The following DPY19L3 variants were observed in gnomAD, a reference collection of about 807,000 sequenced individuals.
DPY19L3 encodes the protein dpy-19 like C-mannosyltransferase 3, also known as protein C-mannosyl-transferase DPY19L3.
Under a neutral mutation model 92.3 loss-of-function variants are expected in DPY19L3, and 51 were observed. The observed-to-expected ratio is 0.55, with a 90% CI of 0.44 to 0.70. DPY19L3 has a LOEUF of 0.70. Among genes scored for constraint, DPY19L3 ranks in the 30% least tolerant of loss-of-function variants. DPY19L3 has a pLI of 0.00. For missense variants in DPY19L3, 706 were observed against 855.9 expected, an observed-to-expected ratio of 0.82 and a Z score of 2.18; for synonymous variants, 309 against 315.2, an observed-to-expected ratio of 0.98 and a Z score of 0.21.
intron 8 of DPY19L3, among the ~76,000 whole-genome samples, chr19:32,443,518 A>G (rs1969388312): frequency 6.6e-6 from 1 of 152,190 alleles, no homozygotes; most frequent in African/African-American, 2.4e-5. Flanking sequence ...ACAGCAAGAA[A>G]GTGCCATCAG....
At position 32,408,507 on chromosome 19, in the gene DPY19L3, AT is replaced by A; in HGVS notation, c.103+155del. The A allele has an allele frequency of 4.8e-6, 3 of 621,808 alleles. No individual in the cohort carries two copies. In the Admixed American group the frequency reaches 9.1e-5, roughly 19 times the overall value. The allele number at this position is 621,808 out of a possible 1,614,324, so 38.5% of individuals were successfully genotyped here. On this transcript the variant is annotated intron_variant, in intron 2 of 18. Transcript: ENST00000392250. ...TTCTAATTGCAATTTGATTAGATTG[AT>A]TTTACAGTTATGATTTGACAAAAGA...
intron 8 of DPY19L3, among the ~76,000 whole-genome samples, chr19:32,440,554 C>G (rs780257207): frequency 6.6e-6 from 1 of 152,046 alleles, no homozygotes; most frequent in Non-Finnish European, 1.5e-5. Flanking sequence ...CAGCATAGCC[C>G]AAGGATTTGT....
chr19:32,448,968 G>T (rs1181480169), intron 8 of DPY19L3, among the ~76,000 whole-genome samples: 3 of 152,020 alleles, frequency 2.0e-5, no homozygotes, highest in African/African-American at 7.2e-5. Context: ...TACACAAACT[G>T]CCCCTTTTTC....
chr19:32,443,362 G>A (rs1969383167), intron 8 of DPY19L3, among the ~76,000 whole-genome samples: 1 of 152,096 alleles, frequency 6.6e-6, no homozygotes, highest in Admixed American at 6.5e-5. Context: ...ATGTTTTTGT[G>A]GTCCCCCACC....
At chr19:32,434,942 T>C (rs933289115) in intron 4 of DPY19L3, among the ~76,000 whole-genome samples, 1 of 152,198 alleles carries the variant, frequency 6.6e-6, no homozygotes, top group African/African-American at 2.4e-5. Flanking sequence ...TGGAGAGTTA[T>C]CCATCCATAA....
At chr19:32,447,775 A>AGATAGATAGATTGATT (rs1237623603) in intron 8 of DPY19L3, among the ~76,000 whole-genome samples, 3 of 127,002 alleles carry the variant, frequency 2.4e-5, no homozygotes, top group African/African-American at 9.4e-5. Context: ...ATAGATAGAT[A>AGATAGATAGATTGATT]GATTAGATAA....
At chr19:32,407,266 C>CA (rs1555714132) in intron 1 of DPY19L3, among the ~76,000 whole-genome samples, 3 of 117,690 alleles carry the variant, frequency 2.5e-5, no homozygotes, top group Non-Finnish European at 5.5e-5. Context: ...GCTCCTGCTC[C>CA]CCCCCACCCA....
intron 18 of DPY19L3, 178 bp from the exon 19 acceptor site, chr19:32,481,901 A>G (rs1970683701): frequency 1.5e-6 from 1 of 664,566 alleles, no homozygotes; most frequent in Non-Finnish European, 2.5e-6. Context: ...CTTGGTCTGC[A>G]CTTCTGAAGG....
chr19:32,448,532 G>C (rs1361451618), intron 8 of DPY19L3, among the ~76,000 whole-genome samples: 1 of 152,128 alleles, frequency 6.6e-6, no homozygotes, highest in Non-Finnish European at 1.5e-5. Context: ...TGTATGTGAT[G>C]CATTATATAC....
At chr19:32,452,470 A>G (rs966225863) in intron 8 of DPY19L3, among the ~76,000 whole-genome samples, 7 of 152,240 alleles carry the variant, frequency 4.6e-5, no homozygotes, top group Non-Finnish European at 1.0e-4. Context: ...GAAATAACAC[A>G]GTAAAGTACT....
At chr19:32,443,451 C>T (rs565047645) in intron 8 of DPY19L3, among the ~76,000 whole-genome samples, 1 of 152,248 alleles carries the variant, frequency 6.6e-6, no homozygotes, top group South Asian at 2.1e-4. Flanking sequence ...GTGATTAGTG[C>T]CATTATAAAA....
chr19:32,441,376 G>T (rs1969316888), intron 8 of DPY19L3, among the ~76,000 whole-genome samples: 1 of 152,058 alleles, frequency 6.6e-6, no homozygotes. Context: ...GAGAAAATGA[G>T]TAAAGGTTCT....
In DPY19L3 at chr19:32,459,372, A is replaced by G. The variant is rs138523113; in HGVS notation, c.1322+863A>G. Among the ~76,000 whole-genome samples the G allele has an allele frequency of 3.6e-3, 552 of 152,318 alleles. 4 individuals are homozygous for G. The highest frequency in any genetic ancestry group is 0.02 in the Middle Eastern group (6 of 294). On this transcript the variant is annotated intron_variant, in intron 12 of 18. Coordinates refer to ENST00000392250, the MANE Select transcript of DPY19L3 (RefSeq NM_001172774.2). ...CCCTTTTTCTGTAGTTACCTTGCCA[A>G]TTAATGTGCTGGTGAACTGTGATTC...
At chr19:32,459,958 TAG>T (rs1250502851) in intron 12 of DPY19L3, among the ~76,000 whole-genome samples, 3 of 152,180 alleles carry the variant, frequency 2.0e-5, no homozygotes, top group African/African-American at 7.2e-5. Context: ...CAAACATAGA[TAG>T]TATGGCCTAC....
intron 3 of DPY19L3, among the ~76,000 whole-genome samples, chr19:32,417,241 G>A (rs998672949): frequency 3.3e-5 from 5 of 152,244 alleles, no homozygotes; most frequent in African/African-American, 7.2e-5. Context: ...GAGGGACCCA[G>A]TGGGAGGTAA....
intron 12 of DPY19L3, among the ~76,000 whole-genome samples, chr19:32,462,003 T>C (rs932383378): frequency 6.6e-6 from 1 of 152,184 alleles, no homozygotes; most frequent in African/African-American, 2.4e-5. Flanking sequence ...TCACACCCTT[T>C]CTATACTATG....
chr19:32,460,492 T>G (rs982285709), intron 12 of DPY19L3, among the ~76,000 whole-genome samples: 28 of 152,340 alleles, frequency 1.8e-4, no homozygotes, highest in African/African-American at 6.5e-4. Flanking sequence ...CTTGCAGGAC[T>G]GGAAGTTTTT....
rs750595112 is a variant in DPY19L3 at position 32,432,820 on chromosome 19, A to G, written c.328+14A>G. ...CCCTCGTGCAAGGTAATTACAACTG[A>G]TAGTTTCATTTGGGGTCTCCTGCAT... On this transcript the variant is annotated intron_variant, in intron 4 of 18. Transcript: ENST00000392250. 1.2e-6 allele frequency: 2 copies of G among 1,611,936 alleles called. No individual in the cohort carries two copies. Among genetic ancestry groups the G allele is most frequent in the Non-Finnish European group, 1.7e-6 (2 of 1,178,450 alleles).
At chr19:32,408,891 G>A (rs1318556045) in intron 2 of DPY19L3, among the ~76,000 whole-genome samples, 1 of 151,554 alleles carries the variant, frequency 6.6e-6, no homozygotes, top group Non-Finnish European at 1.5e-5. Context: ...GCATCAGATA[G>A]CATTAATTAC....
Sources: allele counts gnomAD v4.1 joint callset (sites outside exome capture counted in the v4.1 genomes callset), GRCh38; gene constraint gnomAD v4.1.1; transcripts MANE v1.5; gene names NCBI Gene and HGNC (gene_info 2026-07-23, HGNC 2026-07-21).